Variants in EXOSC7 observed in about 807,000 individuals in gnomAD.
EXOSC7 encodes the protein exosome complex component RRP42.
In EXOSC7, 25 loss-of-function variants were observed where a neutral mutation model predicts 34.3. The ratio of observed to expected loss-of-function variants is 0.73; its 90% confidence interval spans 0.53 to 1.02. EXOSC7 has a LOEUF of 1.02. EXOSC7 is among the 50% of genes least tolerant of loss of function. EXOSC7 has a pLI of 0.00. For synonymous variants in EXOSC7, 130 were observed against 143.0 expected, an observed-to-expected ratio of 0.91 and a Z score of 0.65; for missense variants, 370 against 368.5, an observed-to-expected ratio of 1.00 and a Z score of -0.03.
intron 1 of EXOSC7, among the ~76,000 whole-genome samples, chr3:44,987,632 G>A (rs772211278): frequency 6.6e-6 from 1 of 152,206 alleles, no homozygotes; most frequent in Admixed American, 6.5e-5. Context: ...TGAAGGGCAC[G>A]TAGAAGAAAA....
intron 3 of EXOSC7, among the ~76,000 whole-genome samples, chr3:44,993,500 A>G (rs1334122164): frequency 6.6e-6 from 1 of 152,016 alleles, no homozygotes; most frequent in Non-Finnish European, 1.5e-5. Flanking sequence ...CTTTCCAGGT[A>G]GGCATGGCCT....
In EXOSC7 at chr3:45,006,705, C is replaced by T. The variant is rs887128153; in HGVS notation, c.616-715C>T. 2.7e-4 allele frequency among the ~76,000 whole-genome samples: 41 copies of T among 151,958 alleles called. 1 individual carries two copies. The highest frequency in any genetic ancestry group is 1.2e-4 in the Non-Finnish European group (8 of 68,000). On this transcript the variant is annotated intron_variant, in intron 6 of 7. Coordinates refer to ENST00000265564, the MANE Select transcript of EXOSC7 (RefSeq NM_015004.4). ...TGCTGGGATTACAGGCGTGAGCCAC[C>T]GCGCCCGGCCTTGTTTTGAGACAGT...
At chr3:44,998,714 A>G (rs570652717) in intron 4 of EXOSC7, among the ~76,000 whole-genome samples, 4 of 152,372 alleles carry the variant, frequency 2.6e-5, no homozygotes, top group South Asian at 2.1e-4. Context: ...TACTGTTGCA[A>G]TGCTACCACT....
At chr3:45,012,161 C>T (rs1254624905), downstream of EXOSC7, 1 of 152,174 alleles carries the variant, frequency 6.6e-6, no homozygotes, top group Non-Finnish European at 1.5e-5. Flanking sequence ...ATGTGTAGAG[C>T]AGCCTTTGTT....
rs979839147 is a variant in EXOSC7 at position 44,986,375 on chromosome 3, T to C, written c.58-2765T>C. 3.9e-5 allele frequency among the ~76,000 whole-genome samples: 6 copies of C among 152,180 alleles called. No individual in the cohort carries two copies. In the East Asian group the frequency reaches 7.7e-4, roughly 20 times the overall value. On this transcript the variant is annotated intron_variant, in intron 1 of 7. Transcript: ENST00000265564. ...GGGGCCAGCTGGCTGCTCCAGAGTA[T>C]GGGGCCCGCCTAGCCCACACCCACC...
chr3:44,990,907 G>A (rs1706552636), intron 3 of EXOSC7, among the ~76,000 whole-genome samples: 1 of 152,182 alleles, frequency 6.6e-6, no homozygotes, highest in Admixed American at 6.5e-5. Context: ...TAGCACCTTT[G>A]GACTGCAATG....
chr3:44,979,550 G>A (rs544743345), intron 1 of EXOSC7, among the ~76,000 whole-genome samples: 3 of 152,164 alleles, frequency 2.0e-5, no homozygotes, highest in Admixed American at 2.0e-4. Context: ...TGGATTACAA[G>A]GCTGCAAGTG....
At chr3:44,999,964 CAG>C (rs1194519676) in intron 4 of EXOSC7, among the ~76,000 whole-genome samples, 1 of 152,132 alleles carries the variant, frequency 6.6e-6, no homozygotes, top group Non-Finnish European at 1.5e-5. Context: ...CATGTTCAAA[CAG>C]ATATTTGCTG....
intron 3 of EXOSC7, among the ~76,000 whole-genome samples, chr3:44,990,491 G>A (rs944096042): frequency 2.6e-5 from 4 of 152,078 alleles, no homozygotes; most frequent in African/African-American, 7.2e-5. Context: ...AAGTGGGTAA[G>A]GATCTCTGTG....
Position 44,976,345 on chromosome 3 carries a change from C to T in EXOSC7, c.57+11C>T, listed in dbSNP as rs1575991625. 1 of 1,567,880 alleles carries T rather than the reference C, an allele frequency of 6.4e-7. No homozygotes were observed. Among genetic ancestry groups the T allele is most frequent in the Non-Finnish European group, 8.6e-7 (1 of 1,162,894 alleles). ...GTGCATGGCGTCCAGGTAGCTACAG[C>T]AGCGGCGTTGGGTCGGCCGCCGGGT... On this transcript the variant is annotated intron_variant, in intron 1 of 7. Transcript: ENST00000265564.
intron 1 of EXOSC7, among the ~76,000 whole-genome samples, chr3:44,985,490 T>C (rs1022876313): frequency 5.3e-5 from 8 of 151,864 alleles, no homozygotes; most frequent in African/African-American, 1.9e-4. Context: ...TCTCGCTGGC[T>C]CAGGAGTGAA....
intron 5 of EXOSC7, among the ~76,000 whole-genome samples, chr3:45,003,789 T>G (rs1706951908): frequency 6.6e-6 from 1 of 152,216 alleles, no homozygotes; most frequent in South Asian, 2.1e-4. Flanking sequence ...ATAACCAGCA[T>G]CTTAAAAGAA....
At chr3:45,007,689 T>TCCAA in intron 7 of EXOSC7, 114 bp downstream of exon 7, 1 of 1,200,326 alleles carries the variant, frequency 8.3e-7, no homozygotes, top group Non-Finnish European at 1.1e-6. Flanking sequence ...ACCCCAAACT[T>TCCAA]GGAGATTTGG....
intron 3 of EXOSC7, 99 bp downstream of exon 3, chr3:44,989,743 C>T (rs1706520562): frequency 1.1e-6 from 1 of 885,292 alleles, no homozygotes; most frequent in South Asian, 1.6e-5. Flanking sequence ...CACTTTTATA[C>T]TTATCATTCA....
intron 5 of EXOSC7, chr3:45,004,556 TTTTTTTTTTTTTG>T (rs1559750829): frequency 1.0e-5 from 1 of 97,080 alleles, no homozygotes; most frequent in Non-Finnish European, 2.4e-5. Context: ...ATGCCTGGCG[TTTTTTTTTTTTTG>T]TTTTTTTTTT....
At chr3:44,996,357 G>GAA (rs1706722056) in intron 3 of EXOSC7, among the ~76,000 whole-genome samples, 1 of 152,084 alleles carries the variant, frequency 6.6e-6, no homozygotes, top group Admixed American at 6.6e-5. Flanking sequence ...GGCTAATGTT[G>GAA]AATCCTGTTA....
Position 44,984,777 on chromosome 3 carries a change from G to C in EXOSC7, c.58-4363G>C, listed in dbSNP as rs190919236. On this transcript the variant is annotated intron_variant, in intron 1 of 7. Coordinates refer to ENST00000265564, the MANE Select transcript of EXOSC7 (RefSeq NM_015004.4). The stretch of plus-strand genomic sequence containing the variant: ...AAATGCATTAACTGCAGTATTCCTT[G>C]CACATTATCTGGTATATAGTAAATG... 5.3e-5 allele frequency among the ~76,000 whole-genome samples: 8 copies of C among 152,310 alleles called. No homozygotes were observed. The East Asian group carries it at 1.5e-3, about 29-fold the overall frequency.
chr3:45,001,488 A>C, intron 4 of EXOSC7, 50 bp from the exon 5 acceptor site: 1 of 1,387,204 alleles, frequency 7.2e-7, no homozygotes, highest in Non-Finnish European at 1.0e-6. Flanking sequence ...TACCTAAAGT[A>C]ATAAGTGATG....
At chr3:45,008,004 C>G (rs1433693446) in intron 7 of EXOSC7, among the ~76,000 whole-genome samples, 2 of 152,168 alleles carry the variant, frequency 1.3e-5, no homozygotes, top group African/African-American at 4.8e-5. Context: ...GGCTGTCTCC[C>G]AAATTCGTTA....
Sources: allele counts gnomAD v4.1 joint callset (sites outside exome capture counted in the v4.1 genomes callset), GRCh38; gene constraint gnomAD v4.1.1; transcripts MANE v1.5; gene names NCBI Gene and HGNC (gene_info 2026-07-23, HGNC 2026-07-21).